CERK: variants seen among roughly 807,000 people sequenced by gnomAD.
The protein encoded by CERK is ceramide kinase, also known as acylsphingosine kinase.
CERK carries 39 observed loss-of-function variants against 63.4 expected under a neutral mutation model. The ratio of observed to expected loss-of-function variants is 0.61; its 90% CI spans 0.48 to 0.80. The LOEUF (loss-of-function observed/expected upper bound fraction) is 0.80. Among genes scored for constraint, CERK ranks in the 30% least tolerant of loss-of-function variants. The pLI, the probability that CERK is intolerant of heterozygous loss-of-function variation, is 0.00. For synonymous variants in CERK, 302 were observed against 280.0 expected, an observed-to-expected ratio of 1.08 and a Z score of -0.78; for missense variants, 670 against 714.1, an observed-to-expected ratio of 0.94 and a Z score of 0.70.
chr22:46,704,942 A>T (rs575978284), intron 6 of CERK, among the ~76,000 whole-genome samples: 1 of 152,370 alleles, frequency 6.6e-6, no homozygotes, highest in African/African-American at 2.4e-5. Context: ...GGACCTGTGA[A>T]AAGCAGTGTG....
chr22:46,688,583 C>T (rs1321471749), intron 12 of CERK, among the ~76,000 whole-genome samples: 5 of 152,210 alleles, frequency 3.3e-5, no homozygotes, highest in Admixed American at 6.5e-5. Flanking sequence ...TAGGCTTGTT[C>T]GGATGCGAAT....
At chr22:46,725,889 T>G (rs559265601) in intron 1 of CERK, among the ~76,000 whole-genome samples, 3 of 152,376 alleles carry the variant, frequency 2.0e-5, no homozygotes, top group South Asian at 2.1e-4. Flanking sequence ...AGCTGCTTCT[T>G]TTTCCATTCT....
chr22:46,719,782 GC>G (rs1446942166), intron 3 of CERK, among the ~76,000 whole-genome samples: 1 of 152,240 alleles, frequency 6.6e-6, no homozygotes, highest in African/African-American at 2.4e-5. Context: ...GAATGTAAAA[GC>G]TATTACCATC....
At chr22:46,720,800 C>A (rs1404210488) in intron 2 of CERK, 102 bp downstream of exon 2, 3 of 707,352 alleles carry the variant, frequency 4.2e-6, no homozygotes, top group East Asian at 5.2e-5. Context: ...TAAAGATAAA[C>A]CAATGCATTG....
At chr22:46,696,447 C>A (rs2082756810) in intron 8 of CERK, among the ~76,000 whole-genome samples, 1 of 152,204 alleles carries the variant, frequency 6.6e-6, no homozygotes, top group South Asian at 2.1e-4. Flanking sequence ...AAGCCGGCTC[C>A]TCTCTCAAGT....
intron 5 of CERK, among the ~76,000 whole-genome samples, chr22:46,710,297 G>C (rs1302126555): frequency 1.3e-5 from 2 of 152,030 alleles, no homozygotes; most frequent in Non-Finnish European, 2.9e-5. Context: ...AGCTGGGCGT[G>C]GTGTTGGGCA....
chr22:46,689,171 G>A (rs115178668), intron 12 of CERK, among the ~76,000 whole-genome samples: 1,874 of 152,346 alleles, frequency 0.012, 47 homozygotes, highest in African/African-American at 0.042. Flanking sequence ...CCTAGGCTGC[G>A]TGGCCTCCAG....
Position 46,711,166 on chromosome 22 carries a change from C to T in CERK, c.506-17G>A. ...GTTCAGTAACTGTGGGGAAAAATTA[C>T]ATCACACAGTTTATATTCACATCTG... On this transcript the variant is annotated splice_polypyrimidine_tract_variant and intron_variant, in intron 4 of 12. Coordinates refer to ENST00000216264, the MANE Select transcript of CERK (RefSeq NM_022766.6). The T allele has an allele frequency of 6.3e-7, 1 of 1,595,454 alleles. No individual in the cohort carries two copies. The highest frequency in any genetic ancestry group is 2.2e-5 in the East Asian group (1 of 44,790).
At chr22:46,737,427 A>T (rs1370059287) in intron 1 of CERK, among the ~76,000 whole-genome samples, 2 of 152,182 alleles carry the variant, frequency 1.3e-5, no homozygotes, top group Non-Finnish European at 2.9e-5. Context: ...CCTCATCCGG[A>T]GGGCCTCTGC....
chr22:46,711,154 G>A lies in CERK; in HGVS notation c.506-5C>T. On this transcript the variant is annotated splice_polypyrimidine_tract_variant and splice_region_variant and intron_variant, in intron 4 of 12. Coordinates refer to ENST00000216264, the MANE Select transcript of CERK (RefSeq NM_022766.6). ...CCTGATTAGCATGTTCAGTAACTGT[G>A]GGGAAAAATTACATCACACAGTTTA... 1 of 1,610,034 alleles carries A rather than the reference G, an allele frequency of 6.2e-7. No individual in the cohort carries two copies. Among genetic ancestry groups the A allele is most frequent in the Non-Finnish European group, 8.5e-7 (1 of 1,176,434 alleles).
chr22:46,687,444 C>A (rs960356116), intron 12 of CERK, among the ~76,000 whole-genome samples: 1 of 152,166 alleles, frequency 6.6e-6, no homozygotes, highest in Non-Finnish European at 1.5e-5. Context: ...TGGAATAATT[C>A]ACTTAGACTC....
chr22:46,733,185 G>A (rs1406195200), intron 1 of CERK, among the ~76,000 whole-genome samples: 1 of 142,078 alleles, frequency 7.0e-6, no homozygotes, highest in Non-Finnish European at 1.5e-5. Context: ...TCCAGCCCTG[G>A]GCGACAGAGT....
intron 8 of CERK, among the ~76,000 whole-genome samples, chr22:46,696,701 C>T (rs73471169): frequency 0.013 from 1,914 of 152,356 alleles, 40 homozygotes; most frequent in African/African-American, 0.043. Flanking sequence ...AACCCAAACC[C>T]GCTTTCCTGA....
At chr22:46,734,861 T>G (rs778435648) in intron 1 of CERK, among the ~76,000 whole-genome samples, 17 of 152,254 alleles carry the variant, frequency 1.1e-4, no homozygotes, top group Non-Finnish European at 2.1e-4. Context: ...GACTTACTTT[T>G]GTAAGCAGGA....
chr22:46,693,366 G>T, intron 10 of CERK, 61 bp downstream of exon 10: 1 of 1,410,280 alleles, frequency 7.1e-7, no homozygotes, highest in South Asian at 1.2e-5. Context: ...CCTGAGAGAG[G>T]ACAGAAACCC....
intron 1 of CERK, among the ~76,000 whole-genome samples, chr22:46,736,341 C>A (rs747592054): frequency 6.6e-6 from 1 of 152,214 alleles, no homozygotes; most frequent in Non-Finnish European, 1.5e-5. Flanking sequence ...GGCGTCTCTG[C>A]GGCGGCTGGA....
chr22:46,713,506 C>G (rs1190651639), intron 3 of CERK, among the ~76,000 whole-genome samples: 4 of 58,324 alleles, frequency 6.9e-5, no homozygotes, highest in East Asian at 5.8e-4. Context: ...GAGACTTCAT[C>G]TCAAAAAAAA....
At chr22:46,717,556 C>T (rs1025393262) in intron 3 of CERK, among the ~76,000 whole-genome samples, 7 of 152,358 alleles carry the variant, frequency 4.6e-5, no homozygotes, top group Admixed American at 1.3e-4. Context: ...CATGTTGAGC[C>T]GAGAGCCAGG....
intron 10 of CERK, 96 bp downstream of exon 10, chr22:46,693,331 G>A: frequency 1.0e-6 from 1 of 982,730 alleles, no homozygotes; most frequent in Non-Finnish European, 1.6e-6. Flanking sequence ...GAAAAGCACA[G>A]GTGGGCAGGG....
Sources: gnomAD v4.1 joint callset for allele counts (sites outside exome capture counted in the v4.1 genomes callset) on GRCh38, gnomAD v4.1.1 for gene constraint, MANE v1.5 for transcripts, NCBI Gene and HGNC (gene_info 2026-07-23, HGNC 2026-07-21) for gene names.